Variants in UNC13D observed in about 807,000 individuals in gnomAD.
UNC13D encodes the protein unc-13 homolog D.
Under a neutral mutation model 151.7 loss-of-function variants are expected in UNC13D, and 115 were observed. The observed-to-expected ratio is 0.76, with a 90% CI of 0.65 to 0.88. The LOEUF is 0.88. Among genes scored for constraint, UNC13D ranks in the 40% least tolerant of loss-of-function variants. The pLI is 0.00. For synonymous variants in UNC13D, 588 were observed against 612.2 expected (o/e 0.96, Z 0.58); for missense variants, 1,369 against 1,438.7 (o/e 0.95, Z 0.78).
chr17:75,836,465 C>T, intron 14 of UNC13D, 36 bp from the exon 15 acceptor site: 1 of 1,611,888 alleles, frequency 6.2e-7, no homozygotes, highest in Non-Finnish European at 8.5e-7. Flanking sequence ...AAAGTGCCTG[C>T]TGCCCCACAC....
chr17:75,834,174 G>A, intron 23 of UNC13D, 31 bp from the exon 24 acceptor site: 1 of 1,612,842 alleles, frequency 6.2e-7, no homozygotes, highest in Non-Finnish European at 8.5e-7. Flanking sequence ...AAGGAGGGAG[G>A]TCAGGGCATG....
chr17:75,835,079 A>G lies in UNC13D; in HGVS notation c.1849-16T>C. Reference sequence around the variant, plus strand: ...GGGGCACCAGCTGGGGGAAGAAAGGAGGACTCAGGATACTGCCAAATCCAC... The same window carrying G: ...GGGGCACCAGCTGGGGGAAGAAAGGGGGACTCAGGATACTGCCAAATCCAC... On this transcript the variant is annotated splice_polypyrimidine_tract_variant and intron_variant, in intron 20 of 31. Transcript: ENST00000207549. The G allele has an allele frequency of 3.7e-6, 6 of 1,613,476 alleles. No individual in the cohort carries two copies. The highest frequency in any genetic ancestry group is 5.1e-6 in the Non-Finnish European group (6 of 1,179,960).
rs780819315 is a variant in UNC13D, at chr17:75,840,774, T to G, written c.671A>C (p.His224Pro). 6.2e-7 allele frequency: 1 copy of G among 1,613,806 alleles called. No homozygotes were observed. The highest frequency in any genetic ancestry group is 8.5e-7 in the Non-Finnish European group (1 of 1,180,026). The change falls in exon 8 of 32, where the codon CAT becomes CCT. Residue 224 changes from histidine (H) to proline (P), a missense_variant. By Grantham distance (77) the His-to-Pro change is moderately conservative. Coordinates refer to ENST00000207549, the MANE Select transcript of UNC13D (RefSeq NM_199242.3). The surrounding 1 kb of genome is among the most constrained non-coding windows in gnomAD (Gnocchi z 4.6). ...RQKLGELTDL[H>P]GLRRIFKEAR... ...CTGCAACACGAACCTGCGAAGCCCA[T>G]GCAGATCCGTGAGCTCCCCAAGCTT... is the stretch of plus-strand genomic sequence containing the variant.
At chr17:75,829,912 C>T (rs2062149343) in intron 30 of UNC13D, 116 bp downstream of exon 30, 9 of 1,498,566 alleles carry the variant, frequency 6.0e-6, no homozygotes, top group Non-Finnish European at 8.1e-6. Flanking sequence ...ATCCCTTGGG[C>T]CCAAATGTGG....
At chr17:75,835,580 C>G (rs1296248518) in intron 19 of UNC13D, 51 bp from the exon 20 acceptor site, 38 of 1,609,862 alleles carry the variant, frequency 2.4e-5, no homozygotes, top group Non-Finnish European at 3.1e-5. Context: ...ACCATGGACC[C>G]TGGGGCCTCG....
rs2064890066 is a variant in UNC13D at position 75,834,124 on chromosome 17, T to C, written c.2318A>G (p.Lys773Arg). The C allele has an allele frequency of 6.2e-7, 1 of 1,613,658 alleles. No homozygotes were observed. The highest frequency in any genetic ancestry group is 8.5e-7 in the Non-Finnish European group (1 of 1,180,008). The change falls in exon 24 of 32, where the codon AAG (lysine) becomes AGG (arginine). Residue 773 changes from lysine to arginine, a missense_variant. Coordinates refer to ENST00000207549, the MANE Select transcript of UNC13D (RefSeq NM_199242.3). ...LAEQLEVGIAKHIQKLVGVRE... is the reference protein window; with the variant it reads ...LAEQLEVGIARHIQKLVGVRE... The stretch of plus-strand genomic sequence containing the variant: ...GACGCCCACCAGTTTCTGGATGTGC[T>C]TGGCGATGCCCACCTCCAACTGGAG...
Position 75,840,093 on chromosome 17 carries a change from G to T in UNC13D, c.876C>A (p.Ser292Arg). Residue 292 changes from serine to arginine, a missense_variant, in exon 11 of 32, where the codon AGC becomes AGA. Coordinates refer to ENST00000207549, the MANE Select transcript of UNC13D (RefSeq NM_199242.3). The surrounding 1 kb of genome is among the most constrained non-coding windows in gnomAD (Gnocchi z 4.6). ...LIHKRRATSA[S>R]RSQPSYTVHL... ...GCACGGTGTAGCTCGGCTGCGAGCG[G>T]CTGGCCGAAGTGGCTCTCTGCAATG... 6.2e-7 allele frequency: 1 copy of T among 1,612,860 alleles called. No individual in the cohort carries two copies. Among genetic ancestry groups the T allele is most frequent in the Non-Finnish European group, 8.5e-7 (1 of 1,179,832 alleles).
intron 12 of UNC13D, 28 bp from the exon 13 acceptor site, chr17:75,836,946 G>C (rs1386616161): frequency 6.2e-7 from 1 of 1,607,764 alleles, no homozygotes; most frequent in Non-Finnish European, 8.5e-7. Context: ...CCCTCAGCTG[G>C]ACAGGGAGGA....
rs762428632 is a variant in UNC13D at position 75,830,380 on chromosome 17, G to A, written c.2812C>T (p.Leu938=). 13 of 1,591,642 alleles carry A rather than the reference G, an allele frequency of 8.2e-6. No homozygotes were observed. The highest frequency in any genetic ancestry group is 1.1e-5 in the Non-Finnish European group (13 of 1,170,862). Residue 938 remains leucine (L), a synonymous_variant, in exon 29 of 32, where the codon CTG becomes TTG. Transcript: ENST00000207549. ...RVELLSASSL[L]PLDSNGSSDP... is the part of the protein sequence containing the mutation. ...CACTCACCATTGGAGTCCAGGGGCA[G>A]CAGGCTGGAGGCGCTGAGCAGCTCC...
intron 21 of UNC13D, 29 bp downstream of exon 21, chr17:75,834,891 G>C (rs759196953): frequency 1.2e-6 from 2 of 1,613,806 alleles, no homozygotes; most frequent in Non-Finnish European, 1.7e-6. Flanking sequence ...TCTAGAAAGA[G>C]GGGGAAGGAC....
chr17:75,838,992 C>T (rs985777799), intron 12 of UNC13D, among the ~76,000 whole-genome samples: 14 of 152,020 alleles, frequency 9.2e-5, no homozygotes, highest in East Asian at 1.9e-4. Flanking sequence ...CCCAGCTACT[C>T]GGGAGGCTGA....
chr17:75,828,328 T>C (rs904893299), intron 31 of UNC13D, among the ~76,000 whole-genome samples: 3 of 152,234 alleles, frequency 2.0e-5, no homozygotes, highest in Non-Finnish European at 2.9e-5. Flanking sequence ...GGGGCTGAGA[T>C]GTGCCTGAGG....
chr17:75,830,442 T>C lies in UNC13D; in HGVS notation c.2750A>G (p.Lys917Arg). The C allele has an allele frequency of 3.8e-6, 6 of 1,586,620 alleles. No individual in the cohort carries two copies. Among genetic ancestry groups the C allele is most frequent in the Non-Finnish European group, 5.1e-6 (6 of 1,167,392 alleles). Residue 917 changes from lysine (K) to arginine (R), a missense_variant, in exon 29 of 32, where the codon AAG (lysine) becomes AGG (arginine). Transcript: ENST00000207549. ...CTGCTCAGAGGCGCGGTAGGAGGCC[T>C]TGACTGTCACAGCCCCCAGCTCCTC... ...TSEELGAVTV[K>R]ASYRASEQKL...
intron 6 of UNC13D, 74 bp from the exon 7 acceptor site, chr17:75,841,075 G>T: frequency 6.4e-7 from 1 of 1,553,294 alleles, no homozygotes; most frequent in Non-Finnish European, 8.8e-7. Flanking sequence ...AGTGACCACA[G>T]CCCAGAGCCA....
At chr17:75,829,188 C>T (rs1454939153) in intron 30 of UNC13D, among the ~76,000 whole-genome samples, 1 of 152,254 alleles carries the variant, frequency 6.6e-6, no homozygotes, top group Non-Finnish European at 1.5e-5. Flanking sequence ...GTTCCCTGTT[C>T]ACCTGTGCTG....
At chr17:75,841,052 A>G (rs1391355523) in intron 6 of UNC13D, 51 bp from the exon 7 acceptor site, 1 of 1,607,462 alleles carries the variant, frequency 6.2e-7, no homozygotes, top group Admixed American at 1.7e-5. Context: ...GGATGCCCCC[A>G]GACGAAGCAG....
intron 12 of UNC13D, among the ~76,000 whole-genome samples, chr17:75,839,006 A>G (rs1271907839): frequency 6.6e-6 from 1 of 152,160 alleles, no homozygotes; most frequent in Non-Finnish European, 1.5e-5. Flanking sequence ...AGGCTGAGGC[A>G]GGAGAATGGC....
intron 30 of UNC13D, among the ~76,000 whole-genome samples, 163 bp from the exon 31 acceptor site, chr17:75,829,146 C>T (rs1026243253): frequency 6.6e-6 from 1 of 152,228 alleles, no homozygotes. Context: ...CTGCTCTGAC[C>T]GTGGGCTGAT....
intron 29 of UNC13D, 63 bp from the exon 30 acceptor site, chr17:75,830,214 T>G (rs971355406): frequency 6.4e-7 from 1 of 1,563,708 alleles, no homozygotes; most frequent in Non-Finnish European, 8.7e-7. Context: ...CCCCAGCAGC[T>G]ATGCTCTGCT....
Sources: gnomAD v4.1 joint callset for allele counts (sites outside exome capture counted in the v4.1 genomes callset) on GRCh38, gnomAD v4.1.1 for gene constraint, Gnocchi (gnomAD v3.1) non-coding constraint, MANE v1.5 for transcripts, NCBI Gene and HGNC (gene_info 2026-07-23, HGNC 2026-07-21) for gene names.